Variants in LGSN observed in about 807,000 individuals in gnomAD.
LGSN encodes the protein lengsin.
Under a neutral mutation model 19.5 loss-of-function variants are expected in LGSN, and 21 were observed. That is an observed-to-expected ratio of 1.07 (90% CI 0.76 to 1.55). The LOEUF (loss-of-function observed/expected upper bound fraction) is 1.55. Among genes scored for constraint, LGSN ranks in the 40% most tolerant of loss-of-function variants. The pLI is 0.00. For synonymous variants in LGSN, 257 were observed against 215.6 expected (o/e 1.19, Z -1.68); for missense variants, 673 against 608.5 (o/e 1.11, Z -1.12).
At chr6:63,287,793 T>G (rs1767603419) in intron 2 of LGSN, among the ~76,000 whole-genome samples, 2 of 152,070 alleles carry the variant, frequency 1.3e-5, no homozygotes, top group Admixed American at 1.3e-4. Flanking sequence ...AAAGAAGACA[T>G]CTCCTATAAA....
the LGSN span, among the ~76,000 whole-genome samples, chr6:63,388,189 C>T: frequency 6.6e-6 from 1 of 151,844 alleles, no homozygotes; most frequent in Non-Finnish European, 1.5e-5. Context: ...ATTTTTGAAA[C>T]AGAAGATGAC....
chr6:63,428,804 A>G, the LGSN span, among the ~76,000 whole-genome samples: 2 of 152,224 alleles, frequency 1.3e-5, no homozygotes, highest in Non-Finnish European at 2.9e-5. Context: ...TTCATGGCTC[A>G]TAGAGAAGTC....
chr6:63,332,010 G>A, the LGSN span, among the ~76,000 whole-genome samples: 1 of 152,144 alleles, frequency 6.6e-6, no homozygotes, highest in Non-Finnish European at 1.5e-5. Context: ...CTTCAGGGTT[G>A]GAAGAGTGAC....
chr6:63,301,808 T>C (rs1582038452), intron 1 of LGSN, among the ~76,000 whole-genome samples: 1 of 152,186 alleles, frequency 6.6e-6, no homozygotes, highest in South Asian at 2.1e-4. Context: ...TTATGTCTTT[T>C]GATTATTTGG....
At chr6:63,552,464 T>C in the LGSN span, among the ~76,000 whole-genome samples, 1 of 152,146 alleles carries the variant, frequency 6.6e-6, no homozygotes, top group African/African-American at 2.4e-5. Flanking sequence ...GTTGCAAAAA[T>C]TTTCTCCCAT....
chr6:63,551,646 C>T, the LGSN span, among the ~76,000 whole-genome samples: 9 of 151,978 alleles, frequency 5.9e-5, no homozygotes, highest in South Asian at 2.1e-4. Context: ...ATTAACTTGT[C>T]GTTTACATTA....
the LGSN span, among the ~76,000 whole-genome samples, chr6:63,451,115 G>GA: frequency 3.3e-5 from 5 of 152,130 alleles, no homozygotes; most frequent in South Asian, 2.1e-4. Context: ...ACAGCTAAAT[G>GA]AAAAAAATCA....
intron 3 of LGSN, 111 bp from the exon 4 acceptor site, chr6:63,281,331 A>ATATATATATATATATATATATATATATAT (rs35210619): frequency 7.1e-6 from 1 of 140,676 alleles, no homozygotes; most frequent in Non-Finnish European, 1.4e-5. Context: ...ATATATATAT[A>ATATATATATATATATATATATATATATAT]ATAAATATAT....
At chr6:63,442,180 C>T in the LGSN span, among the ~76,000 whole-genome samples, 4 of 152,110 alleles carry the variant, frequency 2.6e-5, no homozygotes, top group Non-Finnish European at 5.9e-5. Flanking sequence ...CCTCCCAATG[C>T]GTTTGTTCGT....
the LGSN span, among the ~76,000 whole-genome samples, chr6:63,551,713 T>C: frequency 1.7e-5 from 2 of 119,394 alleles, no homozygotes; most frequent in Non-Finnish European, 3.3e-5. Flanking sequence ...CAGGCCCCGG[T>C]GTGTGATGTT....
the LGSN span, among the ~76,000 whole-genome samples, chr6:63,544,273 T>C: frequency 6.6e-6 from 1 of 152,218 alleles, no homozygotes; most frequent in Non-Finnish European, 1.5e-5. Flanking sequence ...TTCACTCAGA[T>C]TCCCTGAATT....
At chr6:63,529,167 ATATATATATG>A in the LGSN span, among the ~76,000 whole-genome samples, 1 of 147,202 alleles carries the variant, frequency 6.8e-6, no homozygotes, top group East Asian at 2.0e-4. Flanking sequence ...ATGTGTGTAT[ATATATATATG>A]TATATATATG....
the LGSN span, among the ~76,000 whole-genome samples, chr6:63,389,211 G>A: frequency 6.6e-6 from 1 of 152,118 alleles, no homozygotes; most frequent in Non-Finnish European, 1.5e-5. Context: ...AAAAAGCTAT[G>A]ATAAATAATA....
At chr6:63,480,969 A>G in the LGSN span, among the ~76,000 whole-genome samples, 4 of 41,098 alleles carry the variant, frequency 9.7e-5, no homozygotes, top group African/African-American at 1.9e-4. Context: ...ATATATATAT[A>G]TATATATATA....
chr6:63,549,106 C>T, the LGSN span: 1 of 702,954 alleles, frequency 1.4e-6, no homozygotes, highest in East Asian at 2.6e-5. Context: ...GCTCGAAGGA[C>T]AGGTGGTCTC....
chr6:63,426,034 A>C, the LGSN span, among the ~76,000 whole-genome samples: 2 of 152,272 alleles, frequency 1.3e-5, no homozygotes, highest in African/African-American at 4.8e-5. Context: ...AATATTAAAA[A>C]TGGAATTTAA....
chr6:63,514,203 T>TG, the LGSN span, among the ~76,000 whole-genome samples: 1 of 152,160 alleles, frequency 6.6e-6, no homozygotes, highest in Non-Finnish European at 1.5e-5. Flanking sequence ...ATCTGTTCTG[T>TG]GATCACTGTT....
At chr6:63,281,304 A>AATATATATATATCTATATATATATAT (rs1767305811) in intron 3 of LGSN, 84 bp from the exon 4 acceptor site, 1 of 135,468 alleles carries the variant, frequency 7.4e-6, no homozygotes, top group Non-Finnish European at 1.4e-5. Flanking sequence ...TGCTAATGAA[A>AATATATATATATCTATATATATATAT]ATATATATAT....
chr6:63,461,035 A>G, the LGSN span, among the ~76,000 whole-genome samples: 1 of 152,142 alleles, frequency 6.6e-6, no homozygotes, highest in Non-Finnish European at 1.5e-5. Flanking sequence ...CTGCCATGCC[A>G]TCTTGTATCG....
Sources: allele counts gnomAD v4.1 joint callset (sites outside exome capture counted in the v4.1 genomes callset), GRCh38; gene constraint gnomAD v4.1.1; transcripts MANE v1.5; gene names NCBI Gene and HGNC (gene_info 2026-07-23, HGNC 2026-07-21).